SUCLG2: variants seen among roughly 807,000 people sequenced by gnomAD.
The protein encoded by SUCLG2 is succinate--CoA ligase [GDP-forming] subunit beta, mitochondrial.
In SUCLG2, 42 loss-of-function variants were observed where a neutral mutation model predicts 47.9. The observed-to-expected ratio is 0.88, with a 90% confidence interval of 0.69 to 1.14. The LOEUF is 1.14. Ranked by LOEUF, SUCLG2 falls within the 50% of genes most tolerant of loss-of-function variation. The pLI, the probability that SUCLG2 is intolerant of heterozygous loss-of-function variation, is 0.00. For synonymous variants in SUCLG2, 195 were observed against 197.3 expected (o/e 0.99, Z 0.10); for missense variants, 571 against 525.9 (o/e 1.09, Z -0.84).
chr3:67,401,106 CAT>C (rs1702674876), intron 9 of SUCLG2, among the ~76,000 whole-genome samples: 1 of 152,078 alleles, frequency 6.6e-6, no homozygotes. Context: ...TGAATTTAAT[CAT>C]CATTCATTCG....
intron 9 of SUCLG2, among the ~76,000 whole-genome samples, chr3:67,403,207 T>A (rs1203824264): frequency 2.0e-5 from 3 of 152,244 alleles, no homozygotes; most frequent in Non-Finnish European, 4.4e-5. Context: ...GAGGGATAAC[T>A]GGTTTTGTTA....
downstream of SUCLG2, among the ~76,000 whole-genome samples, chr3:67,371,557 T>C (rs1393225840): frequency 6.6e-6 from 1 of 152,214 alleles, no homozygotes; most frequent in Non-Finnish European, 1.5e-5. Flanking sequence ...CCTTGCCTTA[T>C]GCCTTGTGCA....
intron 6 of SUCLG2, among the ~76,000 whole-genome samples, chr3:67,517,609 C>T (rs1705980547): frequency 6.6e-6 from 1 of 152,122 alleles, no homozygotes; most frequent in South Asian, 2.1e-4. Context: ...CAGATTCTGT[C>T]CCTCAACAGC....
chr3:67,522,291 C>T (rs558131543), intron 4 of SUCLG2, among the ~76,000 whole-genome samples: 3 of 152,086 alleles, frequency 2.0e-5, no homozygotes, highest in South Asian at 2.1e-4. Context: ...GCAATACACT[C>T]GCCTAAGATT....
At chr3:67,639,474 T>A (rs1416817085) in intron 1 of SUCLG2, among the ~76,000 whole-genome samples, 1 of 138,278 alleles carries the variant, frequency 7.2e-6, no homozygotes, top group African/African-American at 3.5e-5. Context: ...TCCATCCGCA[T>A]GGCCTCAGAT....
intron 10 of SUCLG2, among the ~76,000 whole-genome samples, chr3:67,363,714 T>C (rs138220217): frequency 1.3e-3 from 195 of 152,218 alleles, no homozygotes; most frequent in Non-Finnish European, 2.4e-3. Flanking sequence ...ACTGTGGTTT[T>C]TGAAAAAATA....
At chr3:67,398,677 A>T (rs1257329392) in intron 10 of SUCLG2, among the ~76,000 whole-genome samples, 1 of 152,192 alleles carries the variant, frequency 6.6e-6, no homozygotes, top group African/African-American at 2.4e-5. Flanking sequence ...CTGGGTATAT[A>T]CCCAAAGGAC....
chr3:67,459,779 G>C (rs1024030218), intron 9 of SUCLG2, among the ~76,000 whole-genome samples: 1 of 152,182 alleles, frequency 6.6e-6, no homozygotes, highest in African/African-American at 2.4e-5. Context: ...TGGGATGGTA[G>C]GATGCTACCA....
intron 2 of SUCLG2, among the ~76,000 whole-genome samples, chr3:67,566,055 G>A (rs1452809035): frequency 1.3e-5 from 2 of 152,140 alleles, no homozygotes; most frequent in South Asian, 2.1e-4. Flanking sequence ...AGAGTATAGC[G>A]GTGGAAGGAT....
chr3:67,619,249 GA>G (rs1700687537), intron 1 of SUCLG2, among the ~76,000 whole-genome samples: 1 of 152,180 alleles, frequency 6.6e-6, no homozygotes. Context: ...ATTCCACTTG[GA>G]AAGCATTACC....
At chr3:67,544,246 A>C (rs1439458690) in intron 2 of SUCLG2, among the ~76,000 whole-genome samples, 6 of 152,172 alleles carry the variant, frequency 3.9e-5, no homozygotes, top group Admixed American at 6.5e-5. Context: ...AGGAAAAAGG[A>C]CGGAAGAACT....
intron 9 of SUCLG2, among the ~76,000 whole-genome samples, chr3:67,423,528 C>T (rs1024683757): frequency 1.3e-5 from 2 of 152,128 alleles, no homozygotes; most frequent in Non-Finnish European, 2.9e-5. Context: ...CCAACATCCA[C>T]CAACTTCATT....
At position 67,498,164 on chromosome 3, in the gene SUCLG2, T is replaced by C. The variant is rs986836453; in HGVS notation, c.889A>G (p.Ile297Val). 5 of 1,613,132 alleles carry C rather than the reference T, an allele frequency of 3.1e-6. No individual in the cohort carries two copies. In the South Asian group the frequency reaches 4.4e-5, roughly 14 times the overall value. Residue 297 changes from isoleucine to valine, a missense_variant, in exon 8 of 11, where the codon ATA (isoleucine) becomes GTA (valine). Physicochemically the swap from Ile to Val is conservative, Grantham distance 29 (BLOSUM62 3). Transcript: ENST00000307227. ...NEAAKYDLKY[I>V]GLDGNIACFV... Reference sequence around the variant, plus strand: ...CAGGCAATGTTCCCATCTAGTCCTATGTATTTTAGATCATATTTGGCAGCT... The same window carrying C: ...CAGGCAATGTTCCCATCTAGTCCTACGTATTTTAGATCATATTTGGCAGCT...
chr3:67,612,409 C>A (rs755377910), intron 1 of SUCLG2, among the ~76,000 whole-genome samples: 2 of 129,292 alleles, frequency 1.5e-5, no homozygotes, highest in Non-Finnish European at 3.3e-5. Context: ...TTTATGTTTA[C>A]TTCTGCATTC....
chr3:67,606,350 A>G (rs1700419355), intron 2 of SUCLG2, among the ~76,000 whole-genome samples: 1 of 152,252 alleles, frequency 6.6e-6, no homozygotes, highest in Admixed American at 6.5e-5. Context: ...TCTCAAAGAG[A>G]TTAGGTGTTA....
chr3:67,605,406 C>T (rs943899128), intron 2 of SUCLG2, among the ~76,000 whole-genome samples: 2 of 152,174 alleles, frequency 1.3e-5, no homozygotes, highest in East Asian at 1.9e-4. Context: ...TTTTAACCAA[C>T]TAGAATTGGT....
intron 2 of SUCLG2, among the ~76,000 whole-genome samples, chr3:67,569,902 C>T (rs1161581231): frequency 6.6e-6 from 1 of 152,164 alleles, no homozygotes; most frequent in African/African-American, 2.4e-5. Context: ...AGGCAGAATG[C>T]TATGGGCTGT....
chr3:67,654,285 AC>A (rs1701342804), intron 1 of SUCLG2, among the ~76,000 whole-genome samples: 1 of 152,068 alleles, frequency 6.6e-6, no homozygotes, highest in African/African-American at 2.4e-5. Context: ...GGTCGCTCAT[AC>A]CCCGAGGCAC....
intron 9 of SUCLG2, among the ~76,000 whole-genome samples, chr3:67,433,311 T>A (rs1703533509): frequency 6.6e-6 from 1 of 152,226 alleles, no homozygotes; most frequent in Non-Finnish European, 1.5e-5. Context: ...GAATGTTACT[T>A]CAAGCTAAAT....
Sources: gnomAD v4.1 joint callset for allele counts (sites outside exome capture counted in the v4.1 genomes callset) on GRCh38, gnomAD v4.1.1 for gene constraint, MANE v1.5 for transcripts, NCBI Gene and HGNC (gene_info 2026-07-23, HGNC 2026-07-21) for gene names.